SPOPL: variants seen among roughly 807,000 people sequenced by gnomAD.
SPOPL encodes speckle-type POZ protein-like.
A neutral mutation model predicts 53.8 loss-of-function variants in SPOPL; 23 were observed. That is an observed-to-expected ratio of 0.43 (90% CI 0.31 to 0.61). SPOPL has a LOEUF of 0.61. SPOPL is among the 20% of genes least tolerant of loss of function. SPOPL has a pLI of 0.12. For synonymous variants in SPOPL, 164 were observed against 149.7 expected (o/e 1.10, Z -0.70); for missense variants, 442 against 466.9 (o/e 0.95, Z 0.49).
chr2:138,525,178 A>G (rs927477104), intron 1 of SPOPL, among the ~76,000 whole-genome samples: 1 of 152,246 alleles, frequency 6.6e-6, no homozygotes, highest in African/African-American at 2.4e-5. Flanking sequence ...GCAGAAGGCA[A>G]AAGGCATGTC....
intron 1 of SPOPL, among the ~76,000 whole-genome samples, chr2:138,507,271 T>G (rs1338716696): frequency 2.6e-5 from 4 of 152,196 alleles, no homozygotes; most frequent in Non-Finnish European, 5.9e-5. Context: ...TTTAGTATCA[T>G]CTGGCTGTTC....
intron 1 of SPOPL, among the ~76,000 whole-genome samples, chr2:138,518,462 G>T (rs1320918708): frequency 1.3e-5 from 2 of 152,084 alleles, no homozygotes; most frequent in African/African-American, 4.8e-5. Context: ...AAAATTAAGG[G>T]CCAGAAAAGG....
intron 10 of SPOPL, among the ~76,000 whole-genome samples, chr2:138,565,330 G>T (rs993071819): frequency 6.6e-5 from 10 of 152,298 alleles, no homozygotes; most frequent in African/African-American, 2.4e-4. Context: ...CTCCTATGAG[G>T]AATGTTACCC....
At chr2:138,539,514 T>C (rs1685017346) in intron 1 of SPOPL, among the ~76,000 whole-genome samples, 1 of 152,240 alleles carries the variant, frequency 6.6e-6, no homozygotes. Context: ...TGATGAGCAT[T>C]TTTTCATGTG....
Position 138,533,986 on chromosome 2 carries a change from G to C in SPOPL, c.-60-16171G>C, listed in dbSNP as rs370847294. On this transcript the variant is annotated intron_variant, in intron 1 of 10. Transcript: ENST00000280098. The stretch of plus-strand genomic sequence containing the variant: ...TATAACTGGATAAAATTTTGATAAT[G>C]CTCTTTAGACAGCATGATTTTTTTT... Among the ~76,000 whole-genome samples the C allele has an allele frequency of 2.0e-5, 3 of 152,178 alleles. 1 individual carries two copies.
At chr2:138,523,752 C>G (rs1333019461) in intron 1 of SPOPL, among the ~76,000 whole-genome samples, 4 of 152,184 alleles carry the variant, frequency 2.6e-5, no homozygotes. Context: ...TCCTTTGACT[C>G]CATGTCTTGA....
chr2:138,568,453 G>A (rs2104909731), intron 10 of SPOPL, among the ~76,000 whole-genome samples: 1 of 152,218 alleles, frequency 6.6e-6, no homozygotes, highest in Middle Eastern at 3.4e-3. Context: ...AAAAACAAGT[G>A]GCTGCGAATG....
chr2:138,533,673 G>T (rs1684862863), intron 1 of SPOPL, among the ~76,000 whole-genome samples: 1 of 151,878 alleles, frequency 6.6e-6, no homozygotes, highest in African/African-American at 2.4e-5. Flanking sequence ...CAAAACTGTT[G>T]AACATTATAT....
chr2:138,559,106 G>T lies in SPOPL; in HGVS notation c.565G>T (p.Asp189Tyr). 6.2e-7 allele frequency: 1 copy of T among 1,613,820 alleles called. No homozygotes were observed. The highest frequency in any genetic ancestry group is 8.5e-7 in the Non-Finnish European group (1 of 1,179,856). The change falls in exon 6 of 11, where the codon GAT becomes TAT. Residue 189 changes from aspartate (D) to tyrosine (Y), a missense_variant. Physicochemically the swap from Asp to Tyr is radical, Grantham distance 160 (BLOSUM62 -3). Coordinates refer to ENST00000280098, the MANE Select transcript of SPOPL (RefSeq NM_001001664.3). ...GGTGCCTGAGTGTCGTCTAGCAGAAGATTTAGGTAATCTCTGGGAAAACAC... is the reference window on the plus strand; with the variant it reads ...GGTGCCTGAGTGTCGTCTAGCAGAATATTTAGGTAATCTCTGGGAAAACAC... ...LKVPECRLAE[D>Y]LGNLWENTRF...
intron 10 of SPOPL, 62 bp from the exon 11 acceptor site, chr2:138,568,870 TTAAC>T: frequency 6.5e-7 from 1 of 1,529,354 alleles, no homozygotes; most frequent in African/African-American, 1.4e-5. Flanking sequence ...TTTTAAGAAA[TTAAC>T]AGTGCAATAG....
At chr2:138,549,210 C>G (rs1685260818) in intron 1 of SPOPL, among the ~76,000 whole-genome samples, 1 of 152,004 alleles carries the variant, frequency 6.6e-6, no homozygotes, top group Non-Finnish European at 1.5e-5. Flanking sequence ...GTTTGGGGCT[C>G]TATTATGTGG....
rs1418083496 is a variant in SPOPL at position 138,570,984 on chromosome 2, C to T, written c.*1904C>T. ...CTTGGGATAGAAGAAAGATTCTTAC[C>T]TGGTGATGGAACTTCATACTTCATC... On this transcript the variant is annotated 3_prime_UTR_variant, in exon 11 of 11. Transcript: ENST00000280098. 2 of 152,032 alleles carry T rather than the reference C, an allele frequency of 1.3e-5. No homozygotes were observed. Among genetic ancestry groups the T allele is most frequent in the African/African-American group, 4.8e-5 (2 of 41,388 alleles). 9.4% of individuals were successfully genotyped at this position (152,032 alleles called of 1,614,324 possible).
intron 1 of SPOPL, among the ~76,000 whole-genome samples, chr2:138,515,119 T>C (rs898631461): frequency 1.3e-5 from 2 of 152,190 alleles, no homozygotes; most frequent in Non-Finnish European, 2.9e-5. Flanking sequence ...TTAAGGAAAA[T>C]GAGACGGTCA....
intron 5 of SPOPL, 32 bp downstream of exon 5, chr2:138,552,713 G>C (rs375073607): frequency 9.7e-5 from 154 of 1,595,212 alleles, no homozygotes; most frequent in Non-Finnish European, 1.1e-4. Flanking sequence ...AGAACCCCAT[G>C]GTTTATTTAG....
chr2:138,563,321 A>C (rs1469674187), intron 8 of SPOPL, among the ~76,000 whole-genome samples: 2 of 152,142 alleles, frequency 1.3e-5, no homozygotes, highest in Admixed American at 6.6e-5. Flanking sequence ...CTACAAAAAA[A>C]AATTTTTTTA....
chr2:138,538,241 T>G (rs1336815494), intron 1 of SPOPL, among the ~76,000 whole-genome samples: 2 of 152,190 alleles, frequency 1.3e-5, no homozygotes, highest in Non-Finnish European at 2.9e-5. Flanking sequence ...ATACTGCTGT[T>G]CAAGTCTTCT....
At chr2:138,505,071 C>T (rs1385054809) in intron 1 of SPOPL, among the ~76,000 whole-genome samples, 1 of 148,928 alleles carries the variant, frequency 6.7e-6, no homozygotes, top group African/African-American at 2.6e-5. Flanking sequence ...CCTTTCACTT[C>T]CTTGTTGATT....
At chr2:138,509,400 T>C (rs1467016817) in intron 1 of SPOPL, among the ~76,000 whole-genome samples, 1 of 152,142 alleles carries the variant, frequency 6.6e-6, no homozygotes, top group African/African-American at 2.4e-5. Context: ...TTTGAAATAT[T>C]ATTTTATAGG....
At chr2:138,518,968 C>T (rs985509705) in intron 1 of SPOPL, among the ~76,000 whole-genome samples, 2 of 151,968 alleles carry the variant, frequency 1.3e-5, no homozygotes, top group African/African-American at 2.4e-5. Context: ...TTCTATTTAC[C>T]GGACACTGTA....
Sources: gnomAD v4.1 joint callset for allele counts (sites outside exome capture counted in the v4.1 genomes callset) on GRCh38, gnomAD v4.1.1 for gene constraint, MANE v1.5 for transcripts, NCBI Gene and HGNC (gene_info 2026-07-23, HGNC 2026-07-21) for gene names.